COL18A1: variants seen among roughly 807,000 people sequenced by gnomAD.
The protein encoded by COL18A1 is collagen alpha-1(XVIII) chain.
A neutral mutation model predicts 168.0 loss-of-function variants in COL18A1; 133 were observed. That is an observed-to-expected ratio of 0.79 (90% confidence interval 0.69 to 0.91). The LOEUF (loss-of-function observed/expected upper bound fraction) is 0.91, where lower values mean the gene tolerates loss of function less well. Ranked by LOEUF, COL18A1 falls within the 40% of genes least tolerant of loss-of-function variation. The pLI is 0.00. For synonymous variants in COL18A1, 949 were observed against 809.0 expected, an observed-to-expected ratio of 1.17 and a Z score of -2.94; for missense variants, 2,126 against 1,925.4, an observed-to-expected ratio of 1.10 and a Z score of -1.95.
intron 2 of COL18A1, among the ~76,000 whole-genome samples, chr21:45,446,327 G>A (rs1569293636): frequency 2.0e-5 from 3 of 152,268 alleles, no homozygotes; most frequent in Non-Finnish European, 2.9e-5. Flanking sequence ...TGTTACCATC[G>A]CATTGTAAGT....
At chr21:45,450,855 C>T (rs896972658) in intron 2 of COL18A1, among the ~76,000 whole-genome samples, 3 of 152,234 alleles carry the variant, frequency 2.0e-5, no homozygotes, top group Non-Finnish European at 2.9e-5. Context: ...GTTTGGAGCC[C>T]GTGGCTGGCG....
intron 2 of COL18A1, among the ~76,000 whole-genome samples, chr21:45,416,540 C>G (rs756377949): frequency 6.6e-6 from 1 of 152,130 alleles, no homozygotes; most frequent in Non-Finnish European, 1.5e-5. Context: ...GGCCTCGGTC[C>G]GTCCTCTGTG....
rs1227120881 is a variant in COL18A1 at position 45,410,898 on chromosome 21, G to A, written c.106+5425G>A. The stretch of plus-strand genomic sequence containing the variant: ...CCTGGAGCATGAGGGCTCAGGAAGA[G>A]CCTCTGATTCGGCTGCTCTGGAGGC... On this transcript the variant is annotated intron_variant, in intron 2 of 41. Coordinates refer to ENST00000651438, the MANE Select transcript of COL18A1 (RefSeq NM_001379500.1). Among the ~76,000 whole-genome samples, 3 of 152,364 alleles carry A rather than the reference G, an allele frequency of 2.0e-5. No homozygotes were observed. In the East Asian group the frequency reaches 5.8e-4, roughly 29 times the overall value.
chr21:45,508,209 TATGA>T (rs1178377363), intron 38 of COL18A1, among the ~76,000 whole-genome samples: 2 of 133,000 alleles, frequency 1.5e-5, no homozygotes, highest in African/African-American at 5.9e-5. Context: ...TGGGTGAGTG[TATGA>T]ATGGGTGGGT....
At chr21:45,409,741 C>T (rs978609451) in intron 2 of COL18A1, among the ~76,000 whole-genome samples, 2 of 152,272 alleles carry the variant, frequency 1.3e-5, no homozygotes, top group Admixed American at 1.3e-4. Flanking sequence ...TCAGTTTCCC[C>T]TCCTTAACCC....
chr21:45,476,130 C>T (rs555626278), intron 5 of COL18A1, among the ~76,000 whole-genome samples: 5 of 150,582 alleles, frequency 3.3e-5, no homozygotes, highest in South Asian at 2.1e-4. Context: ...TGACGGCAGG[C>T]GCGGTCCTGG....
intron 2 of COL18A1, among the ~76,000 whole-genome samples, chr21:45,417,793 C>T (rs1602339488): frequency 6.6e-6 from 1 of 152,318 alleles, no homozygotes; most frequent in South Asian, 2.1e-4. Flanking sequence ...GTGCCACTCC[C>T]ATGAAGTGGT....
intron 7 of COL18A1, 93 bp from the exon 8 acceptor site, chr21:45,477,657 C>G (rs2035725825): frequency 7.3e-7 from 1 of 1,365,204 alleles, no homozygotes; most frequent in Non-Finnish European, 1.0e-6. Flanking sequence ...GGGAAGCAGC[C>G]CAGCCTGGGA....
At chr21:45,412,235 TTC>T (rs201123990) in intron 2 of COL18A1, among the ~76,000 whole-genome samples, 66,235 of 133,370 alleles carry the variant, frequency 0.5, 17,370 homozygotes, top group Non-Finnish European at 0.6. Flanking sequence ...GGGGGTATAT[TTC>T]TTTTTTTTTT....
At position 45,471,087 on chromosome 21, in the gene COL18A1, CT is replaced by C. The variant is rs1023341023; in HGVS notation, c.651+2302del. 2.3e-5 allele frequency among the ~76,000 whole-genome samples: 3 copies of C among 130,336 alleles called. No homozygotes were observed. Among genetic ancestry groups the C allele is most frequent in the Admixed American group, 7.5e-5 (1 of 13,286 alleles). 85.5% of individuals were successfully genotyped at this position (130,336 alleles called of 152,430 possible). On this transcript the variant is annotated intron_variant, in intron 3 of 41. Coordinates refer to ENST00000651438, the MANE Select transcript of COL18A1 (RefSeq NM_001379500.1). This position sits in a 1 kb window ranked among gnomAD's most constrained non-coding sequence, Gnocchi z 4.4. ...TGTGCTGCTGGGCCTGGGTGGCGCG[CT>C]ACGGGCCGTGTGCTGCTGGGCCTGG...
intron 2 of COL18A1, chr21:45,421,327 C>T (rs377462704): frequency 6.2e-5 from 30 of 483,816 alleles, no homozygotes; most frequent in South Asian, 1.8e-4. Context: ...CACGCTTGCA[C>T]GGGGCAGAGA....
chr21:45,422,272 C>T (rs1211861006), intron 2 of COL18A1: 4 of 337,626 alleles, frequency 1.2e-5, no homozygotes, highest in Non-Finnish European at 2.4e-5. Context: ...GGCACACCCG[C>T]TTGCTCTCTG....
At chr21:45,493,939 C>G (rs1166026293) in intron 26 of COL18A1, 2 of 319,558 alleles carry the variant, frequency 6.3e-6, no homozygotes, top group African/African-American at 4.2e-5. Flanking sequence ...CCTCCAGCCT[C>G]TTCCTGGGGG....
chr21:45,495,776 G>A, intron 29 of COL18A1: 1 of 361,236 alleles, frequency 2.8e-6, no homozygotes, highest in Non-Finnish European at 5.4e-6. Context: ...ACTCCACATA[G>A]GTGCACATAT....
chr21:45,484,174 A>G (rs1230167325), intron 15 of COL18A1, among the ~76,000 whole-genome samples: 3 of 145,436 alleles, frequency 2.1e-5, no homozygotes, highest in African/African-American at 7.8e-5. Flanking sequence ...GTACACGCGC[A>G]CACACCTCTC....
At chr21:45,454,323 C>T (rs1449794876) in intron 2 of COL18A1, among the ~76,000 whole-genome samples, 1 of 152,156 alleles carries the variant, frequency 6.6e-6, no homozygotes, top group Admixed American at 6.5e-5. Context: ...GGTTGTGGGG[C>T]TGTTTCGTCA....
chr21:45,494,834 A>G, intron 27 of COL18A1, 28 bp from the exon 28 acceptor site: 1 of 1,597,208 alleles, frequency 6.3e-7, no homozygotes, highest in Non-Finnish European at 8.5e-7. Flanking sequence ...GGTCTGCCCC[A>G]CTAAGCCTGG....
chr21:45,478,412 G>A, intron 9 of COL18A1, 59 bp downstream of exon 9: 13 of 1,612,122 alleles, frequency 8.1e-6, no homozygotes, highest in Non-Finnish European at 1.1e-5. Flanking sequence ...TAGACCCCAG[G>A]GCTTTGTTGC....
At position 45,512,459 on chromosome 21, in the gene COL18A1, GGCA is replaced by G. The variant is rs2037668812; in HGVS notation, c.*63_*65del. 1.4e-5 allele frequency: 22 copies of G among 1,532,038 alleles called. No individual in the cohort carries two copies. Among genetic ancestry groups the G allele is most frequent in the Non-Finnish European group, 2.0e-5 (22 of 1,127,216 alleles). 94.9% of individuals were successfully genotyped at this position (1,532,038 alleles called of 1,614,324 possible). A position where few individuals can be genotyped will look rare whatever the true frequency, so the allele number is the denominator to read the frequency against. ...CGGCTCGGAGGAAGCCCCCACCGTG[GGCA>G]GGGAGCGGCCGGCCAGCCCCTGGCC... is the stretch of plus-strand genomic sequence containing the variant. On this transcript the variant is annotated 3_prime_UTR_variant, in exon 42 of 42. Coordinates refer to ENST00000651438, the MANE Select transcript of COL18A1 (RefSeq NM_001379500.1).
Sources: gnomAD v4.1 joint callset for allele counts (sites outside exome capture counted in the v4.1 genomes callset) on GRCh38, gnomAD v4.1.1 for gene constraint, Gnocchi (gnomAD v3.1) non-coding constraint, MANE v1.5 for transcripts, NCBI Gene and HGNC (gene_info 2026-07-23, HGNC 2026-07-21) for gene names.